Variants in ITPR2 observed in about 807,000 individuals in gnomAD.
The protein encoded by ITPR2 is inositol 1,4,5-trisphosphate-gated calcium channel ITPR2.
In ITPR2, 207 loss-of-function variants were observed where a neutral mutation model predicts 317.1. The observed-to-expected ratio is 0.65, with a 90% CI of 0.58 to 0.73. The LOEUF (loss-of-function observed/expected upper bound fraction) is 0.73. ITPR2 is among the 30% of genes least tolerant of loss of function. The pLI is 0.00. For synonymous variants in ITPR2, 1,156 were observed against 1,149.1 expected (o/e 1.01, Z -0.12); for missense variants, 2,613 against 3,284.0 (o/e 0.80, Z 4.99).
At chr12:26,567,371 AG>A (rs1565608909) in intron 34 of ITPR2, among the ~76,000 whole-genome samples, 1 of 152,186 alleles carries the variant, frequency 6.6e-6, no homozygotes, top group African/African-American at 2.4e-5. Flanking sequence ...TGGACAAACC[AG>A]GCTGGGGAGA....
intron 21 of ITPR2, among the ~76,000 whole-genome samples, chr12:26,652,617 A>G (rs1328540256): frequency 1.3e-5 from 2 of 152,006 alleles, no homozygotes; most frequent in Non-Finnish European, 2.9e-5. Context: ...ACTAGGCCAG[A>G]CTCTTACCCA....
chr12:26,701,447 T>C (rs1208364067), intron 9 of ITPR2, among the ~76,000 whole-genome samples: 1 of 152,198 alleles, frequency 6.6e-6, no homozygotes, highest in Non-Finnish European at 1.5e-5. Context: ...GACAAATCTA[T>C]TATTGTGATT....
At chr12:26,672,065 C>G (rs1368018780) in intron 13 of ITPR2, among the ~76,000 whole-genome samples, 1 of 152,056 alleles carries the variant, frequency 6.6e-6, no homozygotes, top group African/African-American at 2.4e-5. Context: ...CCTGAGTGAC[C>G]TACAAAGAGA....
chr12:26,778,078 C>T (rs889869560), intron 2 of ITPR2, among the ~76,000 whole-genome samples: 1 of 152,124 alleles, frequency 6.6e-6, no homozygotes, highest in East Asian at 1.9e-4. Flanking sequence ...AGGAGTCATC[C>T]TATGGTCATT....
intron 21 of ITPR2, among the ~76,000 whole-genome samples, chr12:26,637,051 T>A (rs1946879889): frequency 6.6e-6 from 1 of 152,226 alleles, no homozygotes; most frequent in Non-Finnish European, 1.5e-5. Context: ...AATCATATGA[T>A]AAATTTGCTC....
intron 49 of ITPR2, among the ~76,000 whole-genome samples, chr12:26,420,256 C>T (rs994440544): frequency 6.6e-6 from 1 of 152,146 alleles, no homozygotes; most frequent in African/African-American, 2.4e-5. Flanking sequence ...ACAGTTTGCT[C>T]TTCCTAATTG....
chr12:26,345,174 G>GA (rs557824340), intron 55 of ITPR2, among the ~76,000 whole-genome samples: 166 of 145,232 alleles, frequency 1.1e-3, no homozygotes, highest in South Asian at 1.5e-3. Flanking sequence ...CACTGCAATG[G>GA]AAAAAAAAAA....
At chr12:26,636,869 A>T (rs1259532286) in intron 21 of ITPR2, among the ~76,000 whole-genome samples, 1 of 152,194 alleles carries the variant, frequency 6.6e-6, no homozygotes, top group Non-Finnish European at 1.5e-5. Flanking sequence ...CAGAGTCTCA[A>T]GTACACATCA....
chr12:26,830,118 G>C (rs1381184816), intron 1 of ITPR2, among the ~76,000 whole-genome samples: 3 of 152,202 alleles, frequency 2.0e-5, no homozygotes, highest in African/African-American at 7.2e-5. Context: ...TGGCCAGGCT[G>C]GTCTCAAACT....
intron 52 of ITPR2, among the ~76,000 whole-genome samples, chr12:26,403,609 C>G (rs1276398402): frequency 6.6e-6 from 1 of 152,088 alleles, no homozygotes; most frequent in Non-Finnish European, 1.5e-5. Flanking sequence ...CAGAGAGACT[C>G]TGTCTCTAAA....
intron 34 of ITPR2, among the ~76,000 whole-genome samples, chr12:26,571,286 G>A (rs536485736): frequency 7.9e-5 from 12 of 152,086 alleles, no homozygotes; most frequent in Non-Finnish European, 1.6e-4. Context: ...AGAAAAATTC[G>A]ACATGACATA....
intron 2 of ITPR2, among the ~76,000 whole-genome samples, chr12:26,778,286 C>T (rs571215394): frequency 6.6e-6 from 1 of 152,262 alleles, no homozygotes; most frequent in East Asian, 1.9e-4. Flanking sequence ...AGATTAGTGC[C>T]ACCATCGAGG....
At chr12:26,527,471 C>T (rs1249145434) in intron 37 of ITPR2, among the ~76,000 whole-genome samples, 1 of 152,196 alleles carries the variant, frequency 6.6e-6, no homozygotes, top group Admixed American at 6.5e-5. Flanking sequence ...TGGGGAATCC[C>T]TTTCAGTTCA....
chr12:26,543,153 C>T (rs1022665256), intron 37 of ITPR2, among the ~76,000 whole-genome samples: 1 of 152,090 alleles, frequency 6.6e-6, no homozygotes, highest in Non-Finnish European at 1.5e-5. Context: ...CAAACCAAAC[C>T]ATTCCTCTGA....
chr12:26,653,026 AG>A (rs1345305487), intron 21 of ITPR2, among the ~76,000 whole-genome samples: 1 of 152,228 alleles, frequency 6.6e-6, no homozygotes, highest in Non-Finnish European at 1.5e-5. Context: ...AACTGTGAGA[AG>A]GATATTGTTA....
chr12:26,432,567 T>C (rs1322458926), intron 48 of ITPR2, among the ~76,000 whole-genome samples: 1 of 152,154 alleles, frequency 6.6e-6, no homozygotes, highest in Non-Finnish European at 1.5e-5. Context: ...CTTTTCATCA[T>C]ATAGTCACCC....
intron 39 of ITPR2, among the ~76,000 whole-genome samples, chr12:26,493,773 C>T (rs1044593162): frequency 2.6e-5 from 4 of 152,164 alleles, no homozygotes; most frequent in African/African-American, 7.2e-5. Context: ...CCCCAGCACT[C>T]GGGCTCATGC....
chr12:26,530,394 ATTGT>A (rs781693027), intron 37 of ITPR2, among the ~76,000 whole-genome samples: 6 of 152,192 alleles, frequency 3.9e-5, no homozygotes, highest in African/African-American at 7.2e-5. Flanking sequence ...TGGAAAGTTC[ATTGT>A]TTGTGTTGCC....
chr12:26,760,085 C>T (rs947219947), intron 2 of ITPR2, among the ~76,000 whole-genome samples: 4 of 152,180 alleles, frequency 2.6e-5, no homozygotes, highest in African/African-American at 9.7e-5. Context: ...CTCTAGATTA[C>T]TTATAATACC....
Sources: gnomAD v4.1 joint callset for allele counts (sites outside exome capture counted in the v4.1 genomes callset) on GRCh38, gnomAD v4.1.1 for gene constraint, MANE v1.5 for transcripts, NCBI Gene and HGNC (gene_info 2026-07-23, HGNC 2026-07-21) for gene names.